The following TBCD variants were observed in gnomAD, a reference collection of about 807,000 sequenced individuals.
TBCD encodes the protein tubulin-specific chaperone D.
In TBCD, 105 loss-of-function variants were observed where a neutral mutation model predicts 169.3. The ratio of observed to expected loss-of-function variants is 0.62; its 90% CI spans 0.53 to 0.73. The LOEUF is 0.73. TBCD is among the 30% of genes least tolerant of loss of function. TBCD has a pLI of 0.00. For missense variants in TBCD, 1,444 were observed against 1,600.1 expected, an observed-to-expected ratio of 0.90 and a Z score of 1.66; for synonymous variants, 700 against 643.9, an observed-to-expected ratio of 1.09 and a Z score of -1.32.
intron 13 of TBCD, among the ~76,000 whole-genome samples, chr17:82,818,934 T>C (rs2052167020): frequency 6.6e-6 from 1 of 152,138 alleles, no homozygotes; most frequent in Non-Finnish European, 1.5e-5. Flanking sequence ...GGTGCATGTC[T>C]GTAATCCCAG....
At chr17:82,778,238 T>TCCAATTTTATTATATTGGAACAG (rs1163940214) in intron 6 of TBCD, among the ~76,000 whole-genome samples, 69 of 152,318 alleles carry the variant, frequency 4.5e-4, no homozygotes, top group Non-Finnish European at 1.0e-3. Flanking sequence ...ACAGCTCGTG[T>TCCAATTTTATTATATTGGAACAG]CCTTGGTCTC....
chr17:82,812,797 T>C (rs2051552019), intron 12 of TBCD, among the ~76,000 whole-genome samples: 1 of 152,160 alleles, frequency 6.6e-6, no homozygotes. Context: ...CGCCTCGGCC[T>C]CCCGGAGTGC....
rs375752538 is a variant in TBCD at position 82,927,238 on chromosome 17, G to A, written c.2524G>A (p.Gly842Arg). 86 of 1,613,908 alleles carry A rather than the reference G, an allele frequency of 5.3e-5. No homozygotes were observed. Among genetic ancestry groups the A allele is most frequent in the East Asian group, 3.1e-4 (14 of 44,888 alleles). The change falls in exon 29 of 39, where the codon GGA becomes AGA. Residue 842 changes from glycine (G) to arginine (R), a missense_variant. Transcript: ENST00000355528. ...KAGAPDEAVC[G>R]ENVSQIYCAL... Reference sequence around the variant, plus strand: ...AGGAGCCCCAGACGAAGCTGTGTGCGGAGAGAATGTTTCCCAGATTTACTG... The same window carrying A: ...AGGAGCCCCAGACGAAGCTGTGTGCAGAGAGAATGTTTCCCAGATTTACTG...
rs573290105 is a variant in TBCD at position 82,780,454 on chromosome 17, A to C, written c.639-1135A>C. Among the ~76,000 whole-genome samples the C allele has an allele frequency of 2.0e-5, 3 of 151,890 alleles. No individual in the cohort carries two copies. The East Asian group carries it at 5.9e-4, about 30-fold the overall frequency. ...CCTGGCCTATGAACTCCTGGTGGAG[A>C]AATCAGGAGGATCTGGGCTAATTAG... On this transcript the variant is annotated intron_variant, in intron 6 of 38. Coordinates refer to ENST00000355528, the MANE Select transcript of TBCD (RefSeq NM_005993.5).
At chr17:82,753,890 C>T (rs1297606283) in intron 1 of TBCD, among the ~76,000 whole-genome samples, 3 of 133,356 alleles carry the variant, frequency 2.2e-5, no homozygotes, top group Non-Finnish European at 4.8e-5. Context: ...TTTTTTGAGG[C>T]GGAGTCTCAC....
chr17:82,828,471 TAC>T (rs373899148), intron 13 of TBCD, among the ~76,000 whole-genome samples: 1 of 141,132 alleles, frequency 7.1e-6, no homozygotes, highest in African/African-American at 2.7e-5. Context: ...CACCCACAGA[TAC>T]ACACACGTGC....
chr17:82,905,902 C>T (rs1444772228), intron 19 of TBCD, 34 bp from the exon 20 acceptor site: 2 of 1,553,968 alleles, frequency 1.3e-6, no homozygotes, highest in Non-Finnish European at 1.8e-6. Context: ...CATGTACACA[C>T]CCTCACCTGC....
At position 82,874,389 on chromosome 17, in the gene TBCD, G is replaced by T. The variant is rs1006224783; in HGVS notation, c.1475+4009G>T. On this transcript the variant is annotated intron_variant, in intron 14 of 38. Coordinates refer to ENST00000355528, the MANE Select transcript of TBCD (RefSeq NM_005993.5). This position sits in a 1 kb window ranked among gnomAD's most constrained non-coding sequence, Gnocchi z 5.0. ...TCCCACTTGGCTTTGATCTCGTGGG[G>T]CTTTGGTTTTTGGAGGTCCTGGGTG... Among the ~76,000 whole-genome samples the T allele has an allele frequency of 4.6e-5, 7 of 152,166 alleles. No individual in the cohort carries two copies. The highest frequency in any genetic ancestry group is 8.8e-5 in the Non-Finnish European group (6 of 68,018).
intron 19 of TBCD, among the ~76,000 whole-genome samples, chr17:82,905,180 GC>G (rs1166219163): frequency 1.3e-5 from 2 of 152,280 alleles, no homozygotes; most frequent in African/African-American, 4.8e-5. Flanking sequence ...GTCCTGCTCC[GC>G]CCCCTCCACC....
chr17:82,767,930 G>C (rs977756192), intron 4 of TBCD, among the ~76,000 whole-genome samples: 11 of 151,612 alleles, frequency 7.3e-5, no homozygotes, highest in African/African-American at 2.7e-4. Context: ...CTCCAGCCTG[G>C]GCAACAGAGC....
intron 13 of TBCD, among the ~76,000 whole-genome samples, chr17:82,857,656 C>T (rs1330876353): frequency 6.6e-6 from 1 of 150,994 alleles, no homozygotes; most frequent in Non-Finnish European, 1.5e-5. Flanking sequence ...TGTTGAATGA[C>T]AGGAAAGTAT....
chr17:82,797,258 G>A (rs1232149181), intron 7 of TBCD, among the ~76,000 whole-genome samples: 3 of 152,184 alleles, frequency 2.0e-5, no homozygotes, highest in African/African-American at 7.2e-5. Context: ...CGTGGGGACC[G>A]GGCTGCCAGG....
chr17:82,779,667 C>T (rs528739418), intron 6 of TBCD, among the ~76,000 whole-genome samples: 13 of 152,310 alleles, frequency 8.5e-5, no homozygotes, highest in Admixed American at 3.9e-4. Context: ...CTTGTCCCCA[C>T]GGAAGCATGG....
chr17:82,774,524 C>G (rs1284036275), intron 6 of TBCD, among the ~76,000 whole-genome samples: 1 of 152,224 alleles, frequency 6.6e-6, no homozygotes, highest in African/African-American at 2.4e-5. Context: ...TCGACAAAAC[C>G]GCCATCGTCA....
At chr17:82,934,955 G>T (rs1316982542) in intron 34 of TBCD, among the ~76,000 whole-genome samples, 1 of 152,156 alleles carries the variant, frequency 6.6e-6, no homozygotes, top group Non-Finnish European at 1.5e-5. Context: ...AAAAACATTA[G>T]CCGGGTGTGG....
chr17:82,850,292 G>GCTCTT (rs1393076532), intron 13 of TBCD, among the ~76,000 whole-genome samples: 5 of 151,174 alleles, frequency 3.3e-5, no homozygotes, highest in African/African-American at 2.4e-5. Flanking sequence ...TGTTGGCTGT[G>GCTCTT]CTGTTGTTGG....
At chr17:82,932,573 G>A (rs999641798) in intron 33 of TBCD, 85 bp from the exon 34 acceptor site, 9 of 1,090,754 alleles carry the variant, frequency 8.3e-6, no homozygotes, top group Middle Eastern at 2.7e-4. Flanking sequence ...GCTTTCCACT[G>A]GGATCCTGCT....
intron 9 of TBCD, 146 bp from the exon 10 acceptor site, chr17:82,805,729 G>T: frequency 3.2e-6 from 3 of 939,112 alleles, no homozygotes; most frequent in Non-Finnish European, 4.6e-6. Context: ...CTGCCTCCAG[G>T]TTCTCCCTTC....
chr17:82,856,737 CGTGCGG>C (rs2056317098), intron 13 of TBCD, among the ~76,000 whole-genome samples: 2 of 149,018 alleles, frequency 1.3e-5, no homozygotes, highest in African/African-American at 2.5e-5. Context: ...CGCTGGACCG[CGTGCGG>C]ACCCTCGCTG....
Sources: gnomAD v4.1 joint callset for allele counts (sites outside exome capture counted in the v4.1 genomes callset) on GRCh38, gnomAD v4.1.1 for gene constraint, Gnocchi (gnomAD v3.1) non-coding constraint, MANE v1.5 for transcripts, NCBI Gene and HGNC (gene_info 2026-07-23, HGNC 2026-07-21) for gene names.